COLEC10: variants seen among roughly 807,000 people sequenced by gnomAD.
COLEC10 encodes collectin-10.
Under a neutral mutation model 28.4 loss-of-function variants are expected in COLEC10, and 22 were observed. That is an observed-to-expected ratio of 0.78 (90% CI 0.55 to 1.11). The LOEUF (loss-of-function observed/expected upper bound fraction) is 1.11. Ranked by LOEUF, COLEC10 falls within the 50% of genes least tolerant of loss-of-function variation. COLEC10 has a pLI of 0.00. For synonymous variants in COLEC10, 125 were observed against 116.1 expected (o/e 1.08, Z -0.49); for missense variants, 361 against 344.1 (o/e 1.05, Z -0.39).
At chr8:118,963,980 A>G in the COLEC10 span, among the ~76,000 whole-genome samples, 1 of 152,202 alleles carries the variant, frequency 6.6e-6, no homozygotes, top group African/African-American at 2.4e-5. Flanking sequence ...ATGAATGCAT[A>G]CACCAATGTG....
the COLEC10 span, among the ~76,000 whole-genome samples, chr8:118,980,333 C>A: frequency 0.049 from 7,482 of 151,614 alleles, 283 homozygotes; most frequent in East Asian, 0.17. Flanking sequence ...GCGGGAATTA[C>A]AGGCGAACAC....
chr8:118,955,316 T>C, the COLEC10 span, among the ~76,000 whole-genome samples: 1 of 152,218 alleles, frequency 6.6e-6, no homozygotes, highest in Non-Finnish European at 1.5e-5. Context: ...TAAAAAATAA[T>C]GTACAGAAAG....
At chr8:119,067,877 C>G (rs1452082483) in intron 1 of COLEC10, 1 of 152,646 alleles carries the variant, frequency 6.6e-6, no homozygotes, top group Non-Finnish European at 1.5e-5. Flanking sequence ...ATATATATTT[C>G]ATAAGTTAAT....
At chr8:119,038,336 C>A (rs1044772807) in intron 2 of COLEC10, among the ~76,000 whole-genome samples, 1 of 152,172 alleles carries the variant, frequency 6.6e-6, no homozygotes, top group African/African-American at 2.4e-5. Flanking sequence ...CTTGCTTTAG[C>A]CCATTCCCTT....
the COLEC10 span, among the ~76,000 whole-genome samples, chr8:118,988,642 A>G: frequency 1.3e-3 from 200 of 152,312 alleles, no homozygotes; most frequent in African/African-American, 4.5e-3. Flanking sequence ...GGAAGATTAT[A>G]GGAGGTTCCT....
the COLEC10 span, among the ~76,000 whole-genome samples, chr8:118,964,649 T>C: frequency 6.6e-6 from 1 of 152,192 alleles, no homozygotes. Flanking sequence ...GTTTATGATC[T>C]TGAGAAGGAT....
the COLEC10 span, among the ~76,000 whole-genome samples, chr8:118,984,146 T>C: frequency 4.9e-5 from 1 of 20,398 alleles, no homozygotes; most frequent in East Asian, 1.4e-3. Flanking sequence ...GAATACCATA[T>C]AGTAATTAAA....
At chr8:119,067,181 T>C (rs906028138), upstream of COLEC10, 6 of 1,262,874 alleles carry the variant, frequency 4.8e-6, no homozygotes, top group South Asian at 2.8e-5. Flanking sequence ...GGAATGTGTG[T>C]TCCAAATACT....
chr8:118,993,492 C>G (rs1273212314), upstream of COLEC10, among the ~76,000 whole-genome samples: 2 of 152,048 alleles, frequency 1.3e-5, no homozygotes, highest in East Asian at 3.9e-4. Context: ...GTAGCTGGGA[C>G]TACAGGTGCC....
At chr8:119,019,738 C>T (rs890930700) in intron 2 of COLEC10, among the ~76,000 whole-genome samples, 3 of 152,128 alleles carry the variant, frequency 2.0e-5, no homozygotes, top group African/African-American at 7.2e-5. Context: ...ACGACAGTGT[C>T]AATCCACTAG....
chr8:118,985,605 C>CACA, the COLEC10 span, among the ~76,000 whole-genome samples: 2 of 152,086 alleles, frequency 1.3e-5, no homozygotes, highest in Admixed American at 6.6e-5. Flanking sequence ...GCAGATTGAA[C>CACA]ATGTGCTCAA....
At chr8:118,992,806 T>A (rs1175804154), upstream of COLEC10, among the ~76,000 whole-genome samples, 2 of 152,188 alleles carry the variant, frequency 1.3e-5, no homozygotes, top group Admixed American at 1.3e-4. Context: ...ACATCAAACA[T>A]TATACCATAA....
intron 2 of COLEC10, among the ~76,000 whole-genome samples, chr8:119,053,468 A>T (rs1335011539): frequency 6.6e-6 from 1 of 151,998 alleles, no homozygotes; most frequent in Non-Finnish European, 1.5e-5. Flanking sequence ...TGGCTTCCAC[A>T]TTTCCTAACA....
chr8:118,987,271 A>G, the COLEC10 span, among the ~76,000 whole-genome samples: 7 of 152,182 alleles, frequency 4.6e-5, no homozygotes, highest in African/African-American at 7.2e-5. Context: ...AGCAAGAATG[A>G]TTGATAACCA....
upstream of COLEC10, among the ~76,000 whole-genome samples, chr8:118,993,585 C>A (rs973736077): frequency 6.6e-6 from 1 of 152,108 alleles, no homozygotes; most frequent in Non-Finnish European, 1.5e-5. Context: ...AAACTCCTGA[C>A]ATAAGGTGAG....
chr8:119,028,562 G>A (rs1268748731), intron 2 of COLEC10, among the ~76,000 whole-genome samples: 1 of 152,110 alleles, frequency 6.6e-6, no homozygotes, highest in Non-Finnish European at 1.5e-5. Context: ...TCACTATCAG[G>A]AGAATAGCAC....
intron 1 of COLEC10, among the ~76,000 whole-genome samples, chr8:119,007,086 AGCT>A (rs1297743398): frequency 6.6e-6 from 1 of 152,070 alleles, no homozygotes; most frequent in Non-Finnish European, 1.5e-5. Context: ...CAAAACTATA[AGCT>A]GGAAACAGCT....
chr8:118,960,785 GAAAAAAA>G, the COLEC10 span, among the ~76,000 whole-genome samples: 10 of 72,556 alleles, frequency 1.4e-4, no homozygotes, highest in African/African-American at 3.0e-4. Context: ...GAGACTCTGT[GAAAAAAA>G]AAAAAAAAAA....
chr8:119,027,223 A>G (rs1485295), intron 2 of COLEC10, among the ~76,000 whole-genome samples: 97,982 of 151,992 alleles, frequency 0.64, 32,607 homozygotes, highest in African/African-American at 0.81. Context: ...GGGAAAATAA[A>G]ATGGTGCATG....
Sources: gnomAD v4.1 joint callset for allele counts (sites outside exome capture counted in the v4.1 genomes callset) on GRCh38, gnomAD v4.1.1 for gene constraint, MANE v1.5 for transcripts, NCBI Gene and HGNC (gene_info 2026-07-23, HGNC 2026-07-21) for gene names.